SPINDOC: variants seen among roughly 807,000 people sequenced by gnomAD.
The protein encoded by SPINDOC is spindlin interactor and repressor of chromatin-binding protein.
In SPINDOC, 13 loss-of-function variants were observed where a neutral mutation model predicts 30.7. The observed-to-expected ratio is 0.42, with a 90% CI of 0.28 to 0.67. The LOEUF is 0.67. SPINDOC is among the 30% of genes least tolerant of loss of function. The pLI is 0.22. For missense variants in SPINDOC, 438 were observed against 518.0 expected, an observed-to-expected ratio of 0.85 and a Z score of 1.50; for synonymous variants, 228 against 211.4, an observed-to-expected ratio of 1.08 and a Z score of -0.68.
In SPINDOC at chr11:63,814,200, C is replaced by CG. The variant is rs529405073; in HGVS notation, c.127+390dup. Among the ~76,000 whole-genome samples, 212 of 152,332 alleles carry CG rather than the reference C, an allele frequency of 1.4e-3. 1 individual carries two copies. The highest frequency in any genetic ancestry group is 4.6e-3 in the African/African-American group (193 of 41,582). ...GGGAAGGGGAGGCAAGCACAACGGC[C>CG]GGGCTGTGTTCTAGTCCGAGGGGCG... On this transcript the variant is annotated intron_variant, in intron 1 of 5. Transcript: ENST00000294244.
chr11:63,827,216 C>T lies in SPINDOC; in HGVS notation c.*77C>T. On this transcript the variant is annotated 3_prime_UTR_variant, in exon 6 of 6. Transcript: ENST00000294244. ...GCTTATAACTCAGAGCTGCCTGGCTCACCCACCTGGTGGAGAGAGTAGAAA... is the reference window on the plus strand; with the variant it reads ...GCTTATAACTCAGAGCTGCCTGGCTTACCCACCTGGTGGAGAGAGTAGAAA... 2 of 1,559,604 alleles carry T rather than the reference C, an allele frequency of 1.3e-6. No homozygotes were observed. Among genetic ancestry groups the T allele is most frequent in the Non-Finnish European group, 1.7e-6 (2 of 1,153,104 alleles).
chr11:63,825,222 G>A (rs1359497608), intron 5 of SPINDOC, among the ~76,000 whole-genome samples: 1 of 152,110 alleles, frequency 6.6e-6, no homozygotes, highest in Non-Finnish European at 1.5e-5. Context: ...GGTGACTAGT[G>A]AGCTCCCCAC....
rs1005613840 is a variant in SPINDOC at position 63,823,314 on chromosome 11, C to T, written c.935-3614C>T. On this transcript the variant is annotated intron_variant, in intron 5 of 5. Coordinates refer to ENST00000294244, the MANE Select transcript of SPINDOC (RefSeq NM_138471.3). ...TCTCTACTTTCTGTGTTGTTATGTACGTATTGAAGTTCTCTGAAGACTTTA... is the reference window on the plus strand; with the variant it reads ...TCTCTACTTTCTGTGTTGTTATGTATGTATTGAAGTTCTCTGAAGACTTTA... 59 of 1,207,426 alleles carry T rather than the reference C, an allele frequency of 4.9e-5. No homozygotes were observed. In the Admixed American group the frequency reaches 1.8e-3, roughly 36 times the overall value. 74.8% of individuals were successfully genotyped at this position (1,207,426 alleles called of 1,614,324 possible). A position where few individuals can be genotyped will look rare whatever the true frequency, so the allele number is the denominator to read the frequency against.
intron 5 of SPINDOC, 77 bp downstream of exon 5, chr11:63,819,079 C>T (rs1377561357): frequency 5.0e-5 from 31 of 623,574 alleles, no homozygotes; most frequent in Non-Finnish European, 7.4e-5. Context: ...AGAGGCTGCT[C>T]TATGGCAGAG....
chr11:63,818,729 A>AGG lies in SPINDOC; in HGVS notation c.734-71_734-70dup. ...AAATCCGCATCAGTGAGGATGGAGCAGGGCCTGGGCGCAGGGCGCCTGCAG... is the reference window on the plus strand; with the variant it reads ...AAATCCGCATCAGTGAGGATGGAGCAGGGGGCCTGGGCGCAGGGCGCCTGCAG... On this transcript the variant is annotated intron_variant, in intron 4 of 5. Coordinates refer to ENST00000294244, the MANE Select transcript of SPINDOC (RefSeq NM_138471.3). The surrounding 1 kb of genome is among the most constrained non-coding windows in gnomAD (Gnocchi z 5.3). 1 of 1,611,958 alleles carries AGG rather than the reference A, an allele frequency of 6.2e-7. No homozygotes were observed. Among genetic ancestry groups the AGG allele is most frequent in the Non-Finnish European group, 8.5e-7 (1 of 1,179,420 alleles).
At position 63,818,736 on chromosome 11, in the gene SPINDOC, G is replaced by A. The variant is rs2135143198; in HGVS notation, c.734-66G>A. On this transcript the variant is annotated intron_variant, in intron 4 of 5. Transcript: ENST00000294244. The surrounding 1 kb of genome is among the most constrained non-coding windows in gnomAD (Gnocchi z 5.3). ...CATCAGTGAGGATGGAGCAGGGCCTGGGCGCAGGGCGCCTGCAGCTCCTGA... is the reference window on the plus strand; with the variant it reads ...CATCAGTGAGGATGGAGCAGGGCCTAGGCGCAGGGCGCCTGCAGCTCCTGA... 1 of 1,611,788 alleles carries A rather than the reference G, an allele frequency of 6.2e-7. No homozygotes were observed. The highest frequency in any genetic ancestry group is 8.5e-7 in the Non-Finnish European group (1 of 1,179,364).
At position 63,813,569 on chromosome 11, in the gene SPINDOC, C is replaced by T. The variant is rs2015251729; in HGVS notation, c.-118C>T. On this transcript the variant is annotated 5_prime_UTR_variant, in exon 1 of 6. Coordinates refer to ENST00000294244, the MANE Select transcript of SPINDOC (RefSeq NM_138471.3). ...CGGGCGGGCGGCGGGGAGGGGGCTGCGCGGGGCGGGCGGCGGGCCCGGCGC... is the reference window on the plus strand; with the variant it reads ...CGGGCGGGCGGCGGGGAGGGGGCTGTGCGGGGCGGGCGGCGGGCCCGGCGC... 1.1e-6 allele frequency: 1 copy of T among 899,438 alleles called. No homozygotes were observed. The allele number at this position is 899,438 out of a possible 1,614,324, so 55.7% of individuals were successfully genotyped here. A position where few individuals can be genotyped will look rare whatever the true frequency, so the allele number is the denominator to read the frequency against.
Position 63,826,930 on chromosome 11 carries a change from C to A in SPINDOC, c.937C>A (p.Pro313Thr). The A allele has an allele frequency of 6.7e-7, 1 of 1,493,616 alleles. No individual in the cohort carries two copies. The highest frequency in any genetic ancestry group is 9.3e-7 in the Non-Finnish European group (1 of 1,072,818). 92.5% of individuals were successfully genotyped at this position (1,493,616 alleles called of 1,614,324 possible). The change falls in exon 6 of 6, where the codon CCC becomes ACC. Residue 313 changes from proline (P) to threonine (T), a missense_variant and splice_region_variant. Pro to Thr is a conservative substitution (Grantham distance 38). This residue lies in a region of SPINDOC where 300 missense variants were observed against 332.8 expected (regional missense o/e 0.90). Transcript: ENST00000294244. Reference sequence around the variant, plus strand: ...TCTCTGCTCTCATCCCTGCCCAGCTCCCCCTCCGGGGCTCCGCGGGACACT... The same window carrying A: ...TCTCTGCTCTCATCCCTGCCCAGCTACCCCTCCGGGGCTCCGCGGGACACT... ...LPRAESPSPA[P>T]PPGLRGTLDL...
chr11:63,814,781 C>T (rs1165735361), intron 1 of SPINDOC, among the ~76,000 whole-genome samples: 1 of 152,156 alleles, frequency 6.6e-6, no homozygotes, highest in Non-Finnish European at 1.5e-5. Flanking sequence ...CCTCCCTTCT[C>T]GGAGCATTTA....
chr11:63,822,754 C>T, intron 5 of SPINDOC: 1 of 1,289,072 alleles, frequency 7.8e-7, no homozygotes, highest in Non-Finnish European at 1.0e-6. Flanking sequence ...TGACCTCTTC[C>T]ACTGTCTAAT....
chr11:63,821,115 C>CTCA (rs1288794377), intron 5 of SPINDOC, among the ~76,000 whole-genome samples: 2 of 152,152 alleles, frequency 1.3e-5, no homozygotes, highest in Non-Finnish European at 2.9e-5. Context: ...CAAAATGGGT[C>CTCA]TCACTGAGCT....
chr11:63,827,453 C>T lies in SPINDOC; in HGVS notation c.*314C>T, dbSNP rs1307228497. On this transcript the variant is annotated 3_prime_UTR_variant, in exon 6 of 6. Transcript: ENST00000294244. Reference sequence around the variant, plus strand: ...GACCTCCTCCCACCCTCCCCCTGCTCCCCACCATTCTCCCTTGGCACAGTG... The same window carrying T: ...GACCTCCTCCCACCCTCCCCCTGCTTCCCACCATTCTCCCTTGGCACAGTG... The T allele has an allele frequency of 2.0e-5, 9 of 444,486 alleles. No homozygotes were observed. The highest frequency in any genetic ancestry group is 4.0e-5 in the African/African-American group (2 of 49,862). The allele number at this position is 444,486 out of a possible 1,614,324, so 27.5% of individuals were successfully genotyped here.
chr11:63,818,021 C>G lies in SPINDOC; in HGVS notation c.344C>G (p.Pro115Arg). The change falls in exon 2 of 6, where the codon CCT becomes CGT. Residue 115 changes from proline (P) to arginine (R), a missense_variant. Physicochemically the swap from Pro to Arg is moderately radical, Grantham distance 103. This residue lies in a region of SPINDOC where 9 missense variants were observed against 32.5 expected (regional missense o/e 0.28). Coordinates refer to ENST00000294244, the MANE Select transcript of SPINDOC (RefSeq NM_138471.3). This position sits in a 1 kb window ranked among gnomAD's most constrained non-coding sequence, Gnocchi z 5.3. Reference sequence around the variant, plus strand: ...CGCTCGCACATCTTGGAGCAGCACCCTCACACCTTGGACCTGAGCCCTTCT... The same window carrying G: ...CGCTCGCACATCTTGGAGCAGCACCGTCACACCTTGGACCTGAGCCCTTCT... Reference protein sequence around the residue: ...TARSHILEQHPHTLDLSPSEK... With the variant: ...TARSHILEQHRHTLDLSPSEK... 1 of 1,614,214 alleles carries G rather than the reference C, an allele frequency of 6.2e-7. No individual in the cohort carries two copies. Among genetic ancestry groups the G allele is most frequent in the Non-Finnish European group, 8.5e-7 (1 of 1,180,036 alleles).
At chr11:63,826,286 T>C (rs1204556420) in intron 5 of SPINDOC, among the ~76,000 whole-genome samples, 3 of 152,172 alleles carry the variant, frequency 2.0e-5, no homozygotes, top group African/African-American at 7.2e-5. Context: ...TCGTTTTTTA[T>C]GGCTGCACGC....
intron 5 of SPINDOC, among the ~76,000 whole-genome samples, chr11:63,825,060 T>A (rs1469455923): frequency 6.6e-6 from 1 of 152,222 alleles, no homozygotes; most frequent in Non-Finnish European, 1.5e-5. Flanking sequence ...AAGCCAGGTC[T>A]CCTGGCTGCT....
At chr11:63,825,968 T>G (rs1401014276) in intron 5 of SPINDOC, among the ~76,000 whole-genome samples, 2 of 151,836 alleles carry the variant, frequency 1.3e-5, no homozygotes, top group African/African-American at 2.4e-5. Context: ...TGAGACAGTC[T>G]CACTCTATTG....
rs1217851070 is a variant in SPINDOC, at chr11:63,818,477, G to C, written c.608-50G>C. 3.7e-6 allele frequency: 6 copies of C among 1,604,270 alleles called. No individual in the cohort carries two copies. Among genetic ancestry groups the C allele is most frequent in the East Asian group, 4.5e-5 (2 of 44,820 alleles). ...ATCTTCAGGAGCCCTGGGGTGGCAG[G>C]GTTCGGGGATGGCCTCTTTAAAAGG... On this transcript the variant is annotated intron_variant, in intron 3 of 5. Transcript: ENST00000294244. This position sits in a 1 kb window ranked among gnomAD's most constrained non-coding sequence, Gnocchi z 5.3.
chr11:63,823,180 G>A (rs990889640), intron 5 of SPINDOC: 131 of 1,289,044 alleles, frequency 1.0e-4, no homozygotes, highest in African/African-American at 1.5e-4. Context: ...AGGGGCCCCC[G>A]TGGCGGTTCT....
intron 5 of SPINDOC, among the ~76,000 whole-genome samples, chr11:63,820,082 G>T (rs1339594781): frequency 6.6e-6 from 1 of 151,662 alleles, no homozygotes; most frequent in East Asian, 1.9e-4. Context: ...TGTGTTGTTT[G>T]GGCTCCTACT....
Sources: allele counts gnomAD v4.1 joint callset (sites outside exome capture counted in the v4.1 genomes callset), GRCh38; gene constraint gnomAD v4.1.1; regional missense constraint gnomAD v4.1.1; non-coding constraint Gnocchi (gnomAD v3.1); transcripts MANE v1.5; gene names NCBI Gene and HGNC (gene_info 2026-07-23, HGNC 2026-07-21).